The following PAXIP1 variants were observed in gnomAD, a reference collection of about 807,000 sequenced individuals.
PAXIP1 encodes PAX interacting protein 1.
A neutral mutation model predicts 140.6 loss-of-function variants in PAXIP1; 19 were observed. The observed-to-expected ratio is 0.14, with a 90% CI of 0.09 to 0.20. PAXIP1 has a LOEUF of 0.20. Ranked by LOEUF, PAXIP1 falls within the 10% of genes least tolerant of loss-of-function variation. The probability of loss-of-function intolerance (pLI) is 1.00; values close to 1 mark genes in which losing one functional copy is unlikely to be tolerated. For synonymous variants in PAXIP1, 442 were observed against 444.6 expected (o/e 0.99, Z 0.07); for missense variants, 920 against 1,208.6 (o/e 0.76, Z 3.54).
intron 16 of PAXIP1, chr7:154,951,851 A>G (rs1258447088): frequency 2.0e-5 from 3 of 152,232 alleles, no homozygotes; most frequent in Admixed American, 1.3e-4. Context: ...TCAGAAAGTA[A>G]CAAAAAAGAT....
At chr7:154,977,176 G>C (rs1809619673) in intron 5 of PAXIP1, among the ~76,000 whole-genome samples, 1 of 152,066 alleles carries the variant, frequency 6.6e-6, no homozygotes, top group African/African-American at 2.4e-5. Context: ...TGTGGTAAAG[G>C]GTGTAGAATG....
intron 1 of PAXIP1, chr7:155,002,053 G>T (rs2150793885): frequency 6.6e-6 from 1 of 152,352 alleles, no homozygotes; most frequent in African/African-American, 2.4e-5. Flanking sequence ...ATATTTTGAA[G>T]ATTAACCTGA....
In PAXIP1 at chr7:154,993,732, A is replaced by G. The variant is rs1416822777; in HGVS notation, c.254T>C (p.Leu85Pro). The G allele has an allele frequency of 6.3e-7, 1 of 1,593,054 alleles. No homozygotes were observed. Among genetic ancestry groups the G allele is most frequent in the Non-Finnish European group, 8.5e-7 (1 of 1,169,904 alleles). Residue 85 changes from leucine (L) to proline (P), a missense_variant, in exon 3 of 21, where the codon CTT (leucine) becomes CCT (proline). Physicochemically the swap from Leu to Pro is moderately conservative, Grantham distance 98. Around this residue, in one of 5 missense-constraint regions of PAXIP1, gnomAD observed 419 missense variants for 514.7 expected, o/e 0.81. Coordinates refer to ENST00000404141, the MANE Select transcript of PAXIP1 (RefSeq NM_007349.4). ...CACTCAAAAAAAAGGATACGGCAGA[A>G]GAGTTCCACACTGAACGGACAGAAT... Reference protein sequence around the residue: ...WVILSVQCGTLLPVNGFSPES... With the variant: ...WVILSVQCGTPLPVNGFSPES...
intron 13 of PAXIP1, among the ~76,000 whole-genome samples, chr7:154,959,406 T>C (rs1808659998): frequency 6.6e-6 from 1 of 152,218 alleles, no homozygotes; most frequent in Non-Finnish European, 1.5e-5. Flanking sequence ...TGAAAAATTA[T>C]TGAAGTGGTC....
At chr7:154,947,575 T>C (rs1483915965) in intron 17 of PAXIP1, 1 of 251,458 alleles carries the variant, frequency 4.0e-6, no homozygotes, top group Non-Finnish European at 7.8e-6. Flanking sequence ...TAAAGATTTA[T>C]TAAAAGCAGA....
At position 154,975,924 on chromosome 7, in the gene PAXIP1, A is replaced by C. The variant is rs61752014; in HGVS notation, c.846T>G (p.Pro282=). Residue 282 remains proline, a synonymous_variant, in exon 6 of 21, where the codon CCT becomes CCG. Transcript: ENST00000404141. ...TAATCAACCCAGGCTCCTTTCCCTG[A>C]GGCAGCCTGCGTTTTGCTGCAGCTA... The part of the protein sequence containing the change: ...PQLAAAKRRL[P]QGKEPGLINL... 1.7e-3 allele frequency: 2,808 copies of C among 1,613,970 alleles called. 58 individuals carry two copies. The African/African-American group carries it at 0.033, about 19-fold the overall frequency.
chr7:154,969,381 C>CA (rs1563373514), intron 6 of PAXIP1, among the ~76,000 whole-genome samples: 12 of 152,198 alleles, frequency 7.9e-5, no homozygotes, highest in Non-Finnish European at 1.8e-4. Flanking sequence ...AGTAAACTAA[C>CA]GAATTAAAGT....
intron 1 of PAXIP1, among the ~76,000 whole-genome samples, chr7:154,999,426 A>C (rs896992193): frequency 2.0e-5 from 3 of 152,188 alleles, no homozygotes; most frequent in African/African-American, 7.2e-5. Context: ...AGTCCATGTG[A>C]AAAGAAAGGA....
At chr7:154,968,243 T>C (rs1809112334) in intron 7 of PAXIP1, among the ~76,000 whole-genome samples, 160 bp downstream of exon 7, 1 of 152,178 alleles carries the variant, frequency 6.6e-6, no homozygotes, top group African/African-American at 2.4e-5. Context: ...AGCATAATTA[T>C]CCCATGGTAA....
chr7:155,002,039 G>A (rs1329668839), intron 1 of PAXIP1: 1 of 152,164 alleles, frequency 6.6e-6, no homozygotes, highest in Non-Finnish European at 1.5e-5. Flanking sequence ...CTTTTAAGAA[G>A]GAAATATTTT....
intron 1 of PAXIP1, chr7:155,001,534 G>A (rs1810889068): frequency 6.9e-6 from 1 of 143,968 alleles, no homozygotes; most frequent in Non-Finnish European, 1.5e-5. Context: ...TCTAGCTGTT[G>A]TTGCCCAGGC....
At chr7:154,945,795 T>G in intron 20 of PAXIP1, 1 of 984,840 alleles carries the variant, frequency 1.0e-6, no homozygotes, top group Non-Finnish European at 1.2e-6. Flanking sequence ...ATTCAGAGAT[T>G]TTTAATAAGG....
chr7:154,982,976 T>G (rs2150773723), intron 5 of PAXIP1, among the ~76,000 whole-genome samples: 1 of 144,300 alleles, frequency 6.9e-6, no homozygotes, highest in Non-Finnish European at 1.6e-5. Flanking sequence ...TAATAAAATT[T>G]TCCTGTTTTC....
intron 5 of PAXIP1, among the ~76,000 whole-genome samples, chr7:154,977,536 G>A (rs760909176): frequency 3.3e-5 from 5 of 152,184 alleles, no homozygotes; most frequent in African/African-American, 4.8e-5. Context: ...TGCAAATAGT[G>A]AGCTCTGCAC....
At chr7:154,998,075 A>G (rs967354516) in intron 2 of PAXIP1, among the ~76,000 whole-genome samples, 1 of 152,238 alleles carries the variant, frequency 6.6e-6, no homozygotes, top group African/African-American at 2.4e-5. Context: ...GTTCTGCAGC[A>G]GGCATAAAGG....
intron 10 of PAXIP1, 71 bp downstream of exon 10, chr7:154,962,250 G>A: frequency 6.5e-7 from 1 of 1,532,342 alleles, no homozygotes; most frequent in South Asian, 1.1e-5. Context: ...CCTCAGGTAA[G>A]CACTAGCAAG....
rs1193050004 is a variant in PAXIP1 at position 154,946,052 on chromosome 7, T to C, written c.3194+313A>G. On this transcript the variant is annotated intron_variant, in intron 20 of 20. Transcript: ENST00000404141. The surrounding 1 kb of genome is among the most constrained non-coding windows in gnomAD (Gnocchi z 4.9). ...AAAGGTGAGCTGATAAAAAGAAACA[T>C]ATATTTATTTTTGCAATTATTTTCT... 1.0e-6 allele frequency: 1 copy of C among 981,190 alleles called. No individual in the cohort carries two copies. Among genetic ancestry groups the C allele is most frequent in the Non-Finnish European group, 1.2e-6 (1 of 826,056 alleles). 60.8% of individuals were successfully genotyped at this position (981,190 alleles called of 1,614,324 possible).
In PAXIP1 at chr7:154,944,162, T is replaced by C. The variant is rs773444031; in HGVS notation, c.3197A>G (p.Tyr1066Cys). The stretch of plus-strand genomic sequence containing the variant: ...GCCTAGACGCCATCAGTTAAACTTA[T>C]ATGTAGGCTTGTTGAGGAAAACGAC... ...VLTQTLDYESYKFN is the reference protein window; with the variant it reads ...VLTQTLDYESCKFN Residue 1066 changes from tyrosine to cysteine, a missense_variant and splice_region_variant, in exon 21 of 21, where the codon TAT (tyrosine) becomes TGT (cysteine). Tyr to Cys is a radical substitution (Grantham distance 194). This residue lies in a region of PAXIP1 where 303 missense variants were observed against 517.9 expected (regional missense o/e 0.59). Coordinates refer to ENST00000404141, the MANE Select transcript of PAXIP1 (RefSeq NM_007349.4). The C allele has an allele frequency of 1.9e-6, 3 of 1,605,688 alleles. No homozygotes were observed. Among genetic ancestry groups the C allele is most frequent in the Non-Finnish European group, 2.6e-6 (3 of 1,174,488 alleles).
At chr7:154,960,334 G>A (rs1184656553) in intron 12 of PAXIP1, among the ~76,000 whole-genome samples, 3 of 152,144 alleles carry the variant, frequency 2.0e-5, no homozygotes, top group Non-Finnish European at 4.4e-5. Context: ...AGCCATGATG[G>A]CATCCAAGAT....
Sources: allele counts gnomAD v4.1 joint callset (sites outside exome capture counted in the v4.1 genomes callset), GRCh38; gene constraint gnomAD v4.1.1; regional missense constraint gnomAD v4.1.1; non-coding constraint Gnocchi (gnomAD v3.1); transcripts MANE v1.5; gene names NCBI Gene and HGNC (gene_info 2026-07-23, HGNC 2026-07-21).